The following NTN4 variants were observed in gnomAD, a reference collection of about 807,000 sequenced individuals.
NTN4 encodes netrin 4.
A neutral mutation model predicts 73.6 loss-of-function variants in NTN4; 32 were observed. That is an observed-to-expected ratio of 0.44 (90% CI 0.33 to 0.58). The LOEUF (loss-of-function observed/expected upper bound fraction) is 0.58. Among genes scored for constraint, NTN4 ranks in the 20% least tolerant of loss-of-function variants. The pLI is 0.04. For missense variants in NTN4, 654 were observed against 798.3 expected, an observed-to-expected ratio of 0.82 and a Z score of 2.18; for synonymous variants, 258 against 287.5, an observed-to-expected ratio of 0.90 and a Z score of 1.04.
chr12:95,779,147 T>C (rs565982611), intron 2 of NTN4, among the ~76,000 whole-genome samples: 2 of 152,284 alleles, frequency 1.3e-5, no homozygotes, highest in African/African-American at 4.8e-5. Context: ...TAGGTATTGA[T>C]GGGACGTATC....
At chr12:95,776,366 C>G (rs2079092511) in intron 2 of NTN4, among the ~76,000 whole-genome samples, 1 of 152,156 alleles carries the variant, frequency 6.6e-6, no homozygotes, top group Non-Finnish European at 1.5e-5. Context: ...CTTCTCCGAG[C>G]TAAAGGAGGA....
intron 3 of NTN4, among the ~76,000 whole-genome samples, chr12:95,724,202 C>T (rs2078673107): frequency 6.6e-6 from 1 of 152,116 alleles, no homozygotes; most frequent in Non-Finnish European, 1.5e-5. Context: ...ATATTTCTGC[C>T]ATAAAAATGC....
Position 95,659,082 on chromosome 12 carries a change from A to T in NTN4, c.*4T>A. On this transcript the variant is annotated 3_prime_UTR_variant, in exon 10 of 10. Transcript: ENST00000343702. ...AGTGCCATTATGTGCTATCCATCTT[A>T]ATGCTACTTGCACTCTCTTTTTAAA... 1 of 1,609,452 alleles carries T rather than the reference A, an allele frequency of 6.2e-7. No homozygotes were observed.
At chr12:95,729,166 A>G (rs2078717304) in intron 3 of NTN4, among the ~76,000 whole-genome samples, 1 of 152,060 alleles carries the variant, frequency 6.6e-6, no homozygotes, top group African/African-American at 2.4e-5. Flanking sequence ...AAGGCAAGAC[A>G]CTTGATTCAT....
At chr12:95,715,802 CTCA>C (rs1248259561) in intron 3 of NTN4, among the ~76,000 whole-genome samples, 2 of 152,012 alleles carry the variant, frequency 1.3e-5, no homozygotes, top group African/African-American at 2.4e-5. Flanking sequence ...AGTGTTCTCT[CTCA>C]TCATGAAAAA....
intron 5 of NTN4, among the ~76,000 whole-genome samples, chr12:95,696,224 A>G (rs555071907): frequency 3.3e-5 from 5 of 151,484 alleles, no homozygotes; most frequent in South Asian, 2.1e-4. Context: ...TTTTTTTTTC[A>G]TAACACTTAT....
chr12:95,756,624 G>A (rs766759856), intron 2 of NTN4, among the ~76,000 whole-genome samples: 6 of 152,016 alleles, frequency 3.9e-5, no homozygotes, highest in African/African-American at 1.5e-4. Context: ...CCCACACTTA[G>A]GAATACCCCA....
chr12:95,775,980 G>A (rs558878788), intron 2 of NTN4, among the ~76,000 whole-genome samples: 14 of 152,320 alleles, frequency 9.2e-5, no homozygotes, highest in Admixed American at 2.0e-4. Flanking sequence ...AGGAACGATC[G>A]GGCAGCAACA....
chr12:95,754,999 T>C (rs1385778818), intron 2 of NTN4, among the ~76,000 whole-genome samples: 1 of 152,270 alleles, frequency 6.6e-6, no homozygotes, highest in Non-Finnish European at 1.5e-5. Context: ...ACTGTTCTGA[T>C]TATTGTTAGG....
chr12:95,751,859 C>T (rs1474408649), intron 2 of NTN4, among the ~76,000 whole-genome samples: 2 of 90,570 alleles, frequency 2.2e-5, no homozygotes, highest in African/African-American at 8.4e-5. Context: ...TTAAAACTCC[C>T]CAACTCTGGT....
intron 6 of NTN4, 38 bp from the exon 7 acceptor site, chr12:95,682,860 A>AT (rs1284758190): frequency 5.6e-6 from 7 of 1,249,684 alleles, no homozygotes; most frequent in Non-Finnish European, 8.2e-6. Flanking sequence ...GTATTCAGGA[A>AT]TTTTTTAGAA....
intron 9 of NTN4, among the ~76,000 whole-genome samples, chr12:95,661,587 G>A (rs1397317528): frequency 6.6e-6 from 1 of 152,194 alleles, no homozygotes; most frequent in Non-Finnish European, 1.5e-5. Flanking sequence ...ACACTGATGG[G>A]AGGTTATCCA....
At chr12:95,678,765 C>T (rs1026522562) in intron 7 of NTN4, among the ~76,000 whole-genome samples, 4 of 151,060 alleles carry the variant, frequency 2.6e-5, no homozygotes, top group African/African-American at 7.3e-5. Flanking sequence ...TCGCTGGATA[C>T]AAGCTCAAAA....
chr12:95,785,285 T>C (rs1258008821), intron 2 of NTN4, among the ~76,000 whole-genome samples: 1 of 152,238 alleles, frequency 6.6e-6, no homozygotes, highest in Non-Finnish European at 1.5e-5. Context: ...AATATGAGCC[T>C]GAGGATCAAT....
At chr12:95,684,215 TGA>T (rs1303627077) in intron 5 of NTN4, among the ~76,000 whole-genome samples, 3 of 152,108 alleles carry the variant, frequency 2.0e-5, no homozygotes, top group Non-Finnish European at 4.4e-5. Context: ...TAATACATAG[TGA>T]GAGGGAAACC....
At chr12:95,751,757 G>C (rs1480461493) in intron 2 of NTN4, among the ~76,000 whole-genome samples, 7 of 148,606 alleles carry the variant, frequency 4.7e-5, no homozygotes, top group African/African-American at 1.5e-4. Flanking sequence ...TCTATACGGA[G>C]GCTACCCACT....
intron 5 of NTN4, among the ~76,000 whole-genome samples, chr12:95,694,093 T>C (rs2468366): frequency 0.95 from 144,349 of 152,286 alleles, 68,488 homozygotes; most frequent in East Asian, 1. Flanking sequence ...CTTAAGCTCA[T>C]TGTTGAAACC....
chr12:95,732,699 T>G (rs1380538624), intron 3 of NTN4, among the ~76,000 whole-genome samples: 1 of 152,114 alleles, frequency 6.6e-6, no homozygotes, highest in Non-Finnish European at 1.5e-5. Flanking sequence ...GTACCCAGCC[T>G]GAAGAGCTTT....
At chr12:95,785,046 G>T (rs924014406) in intron 2 of NTN4, among the ~76,000 whole-genome samples, 1 of 152,140 alleles carries the variant, frequency 6.6e-6, no homozygotes, top group Non-Finnish European at 1.5e-5. Context: ...AAATGAGCAT[G>T]CCTGCCATCT....
Sources: allele counts gnomAD v4.1 joint callset (sites outside exome capture counted in the v4.1 genomes callset), GRCh38; gene constraint gnomAD v4.1.1; transcripts MANE v1.5; gene names NCBI Gene and HGNC (gene_info 2026-07-23, HGNC 2026-07-21).